The following SENP7 variants were observed in gnomAD, a reference collection of about 807,000 sequenced individuals.
SENP7 encodes the protein SUMO specific peptidase 7.
In SENP7, 64 loss-of-function variants were observed where a neutral mutation model predicts 141.2. That is an observed-to-expected ratio of 0.45 (90% CI 0.37 to 0.56). The LOEUF (loss-of-function observed/expected upper bound fraction) is 0.56. Among genes scored for constraint, SENP7 ranks in the 20% least tolerant of loss-of-function variants. SENP7 has a pLI of 0.00. For missense variants in SENP7, 1,025 were observed against 1,212.2 expected, an observed-to-expected ratio of 0.85 and a Z score of 2.29; for synonymous variants, 382 against 426.4, an observed-to-expected ratio of 0.90 and a Z score of 1.28.
In SENP7 at chr3:101,438,942, G is replaced by A. The variant is rs1385934138; in HGVS notation, c.284+20013C>T. On this transcript the variant is annotated intron_variant, in intron 4 of 23. Transcript: ENST00000394095. ...CCAAAGTGCCGAGATTGCAGCCTCT[G>A]CCCGGTGCCACCCCGTCTGGGAAGT... Among the ~76,000 whole-genome samples, 3 of 127,132 alleles carry A rather than the reference G, an allele frequency of 2.4e-5. No homozygotes were observed. The South Asian group carries it at 7.6e-4, about 32-fold the overall frequency. The allele number at this position is 127,132 out of a possible 152,430, so 83.4% of individuals were successfully genotyped here.
intron 22 of SENP7, 136 bp from the exon 23 acceptor site, chr3:101,327,952 G>A (rs1293419624): frequency 1.7e-6 from 1 of 604,214 alleles, no homozygotes; most frequent in Non-Finnish European, 2.8e-6. Context: ...TTTTAGCAGT[G>A]CAACCTACAT....
intron 1 of SENP7, among the ~76,000 whole-genome samples, chr3:101,511,822 G>T (rs531733383): frequency 7.1e-4 from 107 of 151,420 alleles, no homozygotes; most frequent in Non-Finnish European, 1.5e-3. Flanking sequence ...TTTTTTTTTT[G>T]TTGTTGTTGT....
intron 3 of SENP7, among the ~76,000 whole-genome samples, chr3:101,473,179 C>T (rs2064077721): frequency 6.6e-6 from 1 of 152,178 alleles, no homozygotes; most frequent in East Asian, 1.9e-4. Flanking sequence ...ATTATAAATA[C>T]TGCTGCAATA....
chr3:101,378,075 T>C (rs2060385614), intron 6 of SENP7, among the ~76,000 whole-genome samples: 1 of 152,018 alleles, frequency 6.6e-6, no homozygotes, highest in Non-Finnish European at 1.5e-5. Context: ...AATGCTTTTC[T>C]TCCTCTCACA....
intron 1 of SENP7, among the ~76,000 whole-genome samples, chr3:101,506,612 T>C (rs2108196294): frequency 6.6e-6 from 1 of 152,236 alleles, no homozygotes; most frequent in South Asian, 2.1e-4. Flanking sequence ...AGTATAGAAG[T>C]AGACATTAGA....
At chr3:101,512,102 G>C (rs1263070011) in intron 1 of SENP7, among the ~76,000 whole-genome samples, 2 of 152,140 alleles carry the variant, frequency 1.3e-5, no homozygotes, top group African/African-American at 4.8e-5. Context: ...TTACAGGCGT[G>C]AGCCACCGCG....
intron 5 of SENP7, among the ~76,000 whole-genome samples, chr3:101,403,306 T>A (rs2061204405): frequency 6.6e-6 from 1 of 152,266 alleles, no homozygotes; most frequent in Admixed American, 6.5e-5. Context: ...AAAATTTTAC[T>A]ATTTTTCCCT....
chr3:101,511,076 G>A (rs1381705814), intron 1 of SENP7, among the ~76,000 whole-genome samples: 2 of 152,084 alleles, frequency 1.3e-5, no homozygotes, highest in African/African-American at 4.8e-5. Flanking sequence ...GAACAGCTAG[G>A]TAACATTAGA....
chr3:101,512,444 A>T (rs2065898619), intron 1 of SENP7, among the ~76,000 whole-genome samples: 1 of 152,260 alleles, frequency 6.6e-6, no homozygotes, highest in African/African-American at 2.4e-5. Context: ...AACAAAAAAT[A>T]TGCTGAAAAT....
In SENP7 at chr3:101,331,979, T is replaced by C. The variant is rs1478958838; in HGVS notation, c.2698+6A>G. ...TTAAAAACACCATCTACGTTATGGATGTCACCTATTGTTTTGTTGTCATTT... is the reference window on the plus strand; with the variant it reads ...TTAAAAACACCATCTACGTTATGGACGTCACCTATTGTTTTGTTGTCATTT... On this transcript the variant is annotated splice_donor_region_variant and intron_variant, in intron 19 of 23. Transcript: ENST00000394095. 3.1e-6 allele frequency: 5 copies of C among 1,612,580 alleles called. No individual in the cohort carries two copies. The highest frequency in any genetic ancestry group is 4.2e-6 in the Non-Finnish European group (5 of 1,179,138).
chr3:101,349,296 AT>A (rs1347614001), intron 12 of SENP7, among the ~76,000 whole-genome samples: 2 of 152,180 alleles, frequency 1.3e-5, no homozygotes, highest in African/African-American at 4.8e-5. Flanking sequence ...GCTACTCAGC[AT>A]TTCTTTCTCA....
intron 19 of SENP7, 101 bp downstream of exon 19, chr3:101,331,883 TG>T (rs1353249293): frequency 8.8e-7 from 1 of 1,133,166 alleles, no homozygotes; most frequent in Non-Finnish European, 1.3e-6. Flanking sequence ...GTAGGTTTAA[TG>T]ATAGTAAATA....
intron 12 of SENP7, among the ~76,000 whole-genome samples, chr3:101,349,164 T>C (rs1384118720): frequency 6.6e-6 from 1 of 152,176 alleles, no homozygotes; most frequent in South Asian, 2.1e-4. Flanking sequence ...TATTTACCAG[T>C]CATCTTAATG....
chr3:101,388,379 T>G (rs2060718515), intron 6 of SENP7, among the ~76,000 whole-genome samples: 1 of 152,194 alleles, frequency 6.6e-6, no homozygotes, highest in South Asian at 2.1e-4. Flanking sequence ...CAGCCACCAC[T>G]GACGTTGATT....
chr3:101,471,394 A>T (rs372018826), intron 3 of SENP7, among the ~76,000 whole-genome samples: 1 of 152,246 alleles, frequency 6.6e-6, no homozygotes, highest in East Asian at 1.9e-4. Flanking sequence ...AAAAACAAGA[A>T]ATGGGGAAAG....
rs112551611 is a variant in SENP7 at position 101,328,724 on chromosome 3, A to C, written c.2752-35T>G. On this transcript the variant is annotated intron_variant, in intron 20 of 23. Coordinates refer to ENST00000394095, the MANE Select transcript of SENP7 (RefSeq NM_020654.5). ...CATAAATTTTTATGACTGCAATTAA[A>C]GCTATTTTGAATAATTTACTATTCA... 1.1e-3 allele frequency: 1,744 copies of C among 1,518,136 alleles called. 14 individuals carry two copies. The African/African-American group carries it at 0.022, about 19-fold the overall frequency. The allele number at this position is 1,518,136 out of a possible 1,614,324, so 94.0% of individuals were successfully genotyped here. A position where few individuals can be genotyped will look rare whatever the true frequency, so the allele number is the denominator to read the frequency against.
At chr3:101,485,126 C>T (rs765279953) in intron 3 of SENP7, among the ~76,000 whole-genome samples, 30 of 152,042 alleles carry the variant, frequency 2.0e-4, no homozygotes, top group Non-Finnish European at 2.8e-4. Flanking sequence ...AGAATCTGAG[C>T]TCAGACACGC....
At chr3:101,361,609 A>G in intron 11 of SENP7, 106 bp downstream of exon 11, 1 of 1,205,584 alleles carries the variant, frequency 8.3e-7, no homozygotes, top group Non-Finnish European at 1.1e-6. Context: ...CCCATATAAA[A>G]TAAATCTTAA....
intron 5 of SENP7, among the ~76,000 whole-genome samples, chr3:101,412,857 A>G (rs1257895021): frequency 1.3e-5 from 2 of 152,154 alleles, no homozygotes; most frequent in East Asian, 3.8e-4. Context: ...TGCAGTTTAC[A>G]TATTTTTAAA....
Sources: gnomAD v4.1 joint callset for allele counts (sites outside exome capture counted in the v4.1 genomes callset) on GRCh38, gnomAD v4.1.1 for gene constraint, MANE v1.5 for transcripts, NCBI Gene and HGNC (gene_info 2026-07-23, HGNC 2026-07-21) for gene names.